ABCB5: variants seen among roughly 807,000 people sequenced by gnomAD.
The protein encoded by ABCB5 is ATP-binding cassette sub-family B member 5.
Under a neutral mutation model 144.2 loss-of-function variants are expected in ABCB5, and 155 were observed. The observed-to-expected ratio is 1.08, with a 90% CI of 0.94 to 1.23. ABCB5 has a LOEUF of 1.23. Among genes scored for constraint, ABCB5 ranks in the 50% most tolerant of loss-of-function variants. The probability of loss-of-function intolerance (pLI) is 0.00; values close to 1 mark genes in which losing one functional copy is unlikely to be tolerated. For synonymous variants in ABCB5, 610 were observed against 528.6 expected (o/e 1.15, Z -2.11); for missense variants, 1,830 against 1,520.8 (o/e 1.20, Z -3.38).
At chr7:20,714,824 T>C (rs1252553949) in intron 20 of ABCB5, among the ~76,000 whole-genome samples, 3 of 152,192 alleles carry the variant, frequency 2.0e-5, no homozygotes, top group Non-Finnish European at 4.4e-5. Context: ...GAGAAGCCTG[T>C]CTCATCAAAA....
chr7:20,720,728 G>A (rs569683256), intron 20 of ABCB5, among the ~76,000 whole-genome samples: 15 of 152,056 alleles, frequency 9.9e-5, no homozygotes, highest in Non-Finnish European at 1.5e-4. Context: ...GGCGGATCAC[G>A]AGGTCAGGAG....
chr7:20,685,686 T>C lies in ABCB5; in HGVS notation c.1870-10T>C. 6.3e-7 allele frequency: 1 copy of C among 1,591,068 alleles called. No individual in the cohort carries two copies. Among genetic ancestry groups the C allele is most frequent in the Admixed American group, 1.8e-5 (1 of 55,302 alleles). On this transcript the variant is annotated splice_polypyrimidine_tract_variant and intron_variant, in intron 15 of 27. Coordinates refer to ENST00000404938, the MANE Select transcript of ABCB5 (RefSeq NM_001163941.2). ...TCTTATAATGATAACCTATATATTC[T>C]TCCTGTAAGGATATTAAAAAAGCTG... is the stretch of plus-strand genomic sequence containing the variant.
chr7:20,637,040 C>T (rs1264566829), intron 5 of ABCB5, among the ~76,000 whole-genome samples: 2 of 152,074 alleles, frequency 1.3e-5, no homozygotes, highest in Non-Finnish European at 2.9e-5. Context: ...CCAAGTTTTC[C>T]AAACCTACCA....
At chr7:20,754,731 T>C (rs900940437) in intron 27 of ABCB5, among the ~76,000 whole-genome samples, 2 of 152,140 alleles carry the variant, frequency 1.3e-5, no homozygotes, top group Admixed American at 6.6e-5. Context: ...CTTCCTGACT[T>C]TGAGTTTAGA....
chr7:20,626,500 A>C (rs566413954), intron 2 of ABCB5, 57 bp from the exon 3 acceptor site: 88 of 1,522,096 alleles, frequency 5.8e-5, no homozygotes, highest in Non-Finnish European at 7.4e-5. Flanking sequence ...TTAATGGAAA[A>C]ATTTTGCAAA....
chr7:20,745,728 C>T (rs1372153351), intron 26 of ABCB5, among the ~76,000 whole-genome samples: 1 of 152,248 alleles, frequency 6.6e-6, no homozygotes, highest in Non-Finnish European at 1.5e-5. Context: ...ATGACCTCCC[C>T]GCCACGGCGG....
intron 14 of ABCB5, among the ~76,000 whole-genome samples, chr7:20,670,112 T>C (rs1317142506): frequency 2.6e-5 from 4 of 152,192 alleles, no homozygotes; most frequent in African/African-American, 4.8e-5. Context: ...TCTGAGAGAC[T>C]GTAACAGCCA....
chr7:20,708,170 G>T (rs372215936), intron 20 of ABCB5, among the ~76,000 whole-genome samples: 3 of 152,070 alleles, frequency 2.0e-5, no homozygotes, highest in East Asian at 3.8e-4. Flanking sequence ...CATTACTTTT[G>T]ATTCAAACAA....
chr7:20,660,411 A>AT, intron 14 of ABCB5: 2 of 985,478 alleles, frequency 2.0e-6, no homozygotes, highest in Middle Eastern at 5.2e-4. Context: ...AAACTGCTTT[A>AT]TGTATGGTTT....
intron 19 of ABCB5, among the ~76,000 whole-genome samples, chr7:20,701,193 G>A (rs185328140): frequency 6.6e-6 from 1 of 152,288 alleles, no homozygotes; most frequent in East Asian, 1.9e-4. Flanking sequence ...TCAATTTGAT[G>A]CCAGCACATA....
At chr7:20,707,598 GA>G (rs1245661912) in intron 20 of ABCB5, among the ~76,000 whole-genome samples, 1 of 152,136 alleles carries the variant, frequency 6.6e-6, no homozygotes, top group Non-Finnish European at 1.5e-5. Flanking sequence ...TTGTCCACAA[GA>G]AAGTGTGTTA....
intron 5 of ABCB5, among the ~76,000 whole-genome samples, chr7:20,639,691 T>C (rs894401758): frequency 2.6e-5 from 4 of 152,256 alleles, no homozygotes; most frequent in African/African-American, 9.6e-5. Context: ...CTAGGCTCTG[T>C]TGCAGTTATT....
chr7:20,633,475 A>G (rs1270009966), intron 5 of ABCB5, among the ~76,000 whole-genome samples: 1 of 152,106 alleles, frequency 6.6e-6, no homozygotes, highest in African/African-American at 2.4e-5. Context: ...TTTTTTAATT[A>G]AAAAAATTAT....
chr7:20,630,103 T>C (rs982353159), intron 4 of ABCB5, among the ~76,000 whole-genome samples: 2 of 152,188 alleles, frequency 1.3e-5, no homozygotes, highest in East Asian at 1.9e-4. Context: ...ATTCCAGTGA[T>C]TTTCCTATGC....
At chr7:20,680,774 G>A (rs998718804) in intron 14 of ABCB5, among the ~76,000 whole-genome samples, 1 of 151,936 alleles carries the variant, frequency 6.6e-6, no homozygotes, top group African/African-American at 2.4e-5. Flanking sequence ...CTTTTAATTT[G>A]TACCCAACTA....
At chr7:20,630,660 TTTA>T (rs1347137702) in intron 4 of ABCB5, among the ~76,000 whole-genome samples, 9 of 152,296 alleles carry the variant, frequency 5.9e-5, no homozygotes, top group African/African-American at 2.2e-4. Flanking sequence ...TGAGTAAACA[TTTA>T]TTGATTGTCT....
chr7:20,744,630 G>T (rs886978523), intron 25 of ABCB5, among the ~76,000 whole-genome samples: 1 of 149,890 alleles, frequency 6.7e-6, no homozygotes, highest in African/African-American at 2.5e-5. Flanking sequence ...GGGGAGGGGG[G>T]AGGGACAGCA....
At chr7:20,697,641 G>C (rs1480789710) in intron 16 of ABCB5, among the ~76,000 whole-genome samples, 1 of 152,158 alleles carries the variant, frequency 6.6e-6, no homozygotes, top group African/African-American at 2.4e-5. Flanking sequence ...TACTTGCATT[G>C]TGCTTTCTCT....
At position 20,755,982 on chromosome 7, in the gene ABCB5, G is replaced by T; in HGVS notation, c.*358G>T. On this transcript the variant is annotated 3_prime_UTR_variant, in exon 28 of 28. Transcript: ENST00000404938. ...TATTATCCAATTAACCATGTTGAAGGTTTTAGCAAAGGCAGTGTAAGATAG... is the reference window on the plus strand; with the variant it reads ...TATTATCCAATTAACCATGTTGAAGTTTTTAGCAAAGGCAGTGTAAGATAG... 1 of 260,294 alleles carries T rather than the reference G, an allele frequency of 3.8e-6. No individual in the cohort carries two copies. The highest frequency in any genetic ancestry group is 4.6e-5 in the South Asian group (1 of 21,682). 16.1% of individuals were successfully genotyped at this position (260,294 alleles called of 1,614,324 possible).
Sources: allele counts gnomAD v4.1 joint callset (sites outside exome capture counted in the v4.1 genomes callset), GRCh38; gene constraint gnomAD v4.1.1; transcripts MANE v1.5; gene names NCBI Gene and HGNC (gene_info 2026-07-23, HGNC 2026-07-21).